HYAL1: variants seen among roughly 807,000 people sequenced by gnomAD.
The protein encoded by HYAL1 is hyaluronidase-1.
In HYAL1, 21 loss-of-function variants were observed where a neutral mutation model predicts 28.8. That is an observed-to-expected ratio of 0.73 (90% confidence interval 0.52 to 1.05). The LOEUF is 1.05. Ranked by LOEUF, HYAL1 falls within the 50% of genes least tolerant of loss-of-function variation. The pLI is 0.00. For missense variants in HYAL1, 491 were observed against 579.2 expected, an observed-to-expected ratio of 0.85 and a Z score of 1.56; for synonymous variants, 200 against 230.1, an observed-to-expected ratio of 0.87 and a Z score of 1.18.
intron 1 of HYAL1, among the ~76,000 whole-genome samples, chr3:50,311,252 G>A (rs1264910818): frequency 6.5e-3 from 6 of 926 alleles, no homozygotes; most frequent in South Asian, 0.045. Flanking sequence ...ACTCCCTCCC[G>A]GCCGGGGCGG....
chr3:50,306,864 G>A (rs1312201069), upstream of HYAL1, among the ~76,000 whole-genome samples: 1 of 150,252 alleles, frequency 6.7e-6, no homozygotes, highest in African/African-American at 2.5e-5. Flanking sequence ...TCCAGCCTCA[G>A]TGACAGAGCA....
In HYAL1 at chr3:50,302,888, C is replaced by T. The variant is rs1553713459; in HGVS notation, c.69G>A (p.Arg23=). The T allele has an allele frequency of 2.5e-6, 4 of 1,611,992 alleles. No individual in the cohort carries two copies. In the African/African-American group the frequency reaches 4.0e-5, roughly 16 times the overall value. Residue 23 remains arginine (R), a synonymous_variant, in exon 2 of 4, where the codon AGG becomes AGA. Transcript: ENST00000395144. The surrounding 1 kb of genome is among the most constrained non-coding windows in gnomAD (Gnocchi z 5.0). ...LTLLDMAQGF[R]GPLLPNRPFT... Reference sequence around the variant, plus strand: ...AGGGCCGGTTGGGTAGCAAGGGGCCCCTAAAGCCTTGGGCCATATCGAGTA... The same window carrying T: ...AGGGCCGGTTGGGTAGCAAGGGGCCTCTAAAGCCTTGGGCCATATCGAGTA...
rs1427790664 is a variant in HYAL1, at chr3:50,301,910, C to T, written c.900+147G>A. On this transcript the variant is annotated intron_variant, in intron 2 of 3. Transcript: ENST00000395144. The stretch of plus-strand genomic sequence containing the variant: ...AGCTTGCAGTGAGCCAAGATCGTGC[C>T]ACTGCACTCCAGCCTGGGTGACAGA... The T allele has an allele frequency of 8.4e-6, 7 of 834,920 alleles. No homozygotes were observed. In the East Asian group the frequency reaches 1.8e-4, roughly 22 times the overall value. 51.7% of individuals were successfully genotyped at this position (834,920 alleles called of 1,614,324 possible).
upstream of HYAL1, among the ~76,000 whole-genome samples, chr3:50,304,287 AAAAAAAAAAATATATATATATATATATAT>A (rs1203514703): frequency 3.2e-5 from 2 of 62,830 alleles, no homozygotes; most frequent in East Asian, 1.1e-3. Flanking sequence ...AAAAAAAAAA[AAAAAAAAAAATATATATATATATATATAT>A]ATATATATAT....
At position 50,300,632 on chromosome 3, in the gene HYAL1, A is replaced by C. The variant is rs782404568; in HGVS notation, c.1159T>G (p.Phe387Val). 4 of 1,614,138 alleles carry C rather than the reference A, an allele frequency of 2.5e-6. No homozygotes were observed. The highest frequency in any genetic ancestry group is 1.7e-5 in the Admixed American group (1 of 60,018). Residue 387 changes from phenylalanine (F) to valine (V), a missense_variant, in exon 4 of 4, where the codon TTC becomes GTC. Coordinates refer to ENST00000395144, the MANE Select transcript of HYAL1 (RefSeq NM_033159.4). Reference sequence around the variant, plus strand: ...CCACCAGGCGTGAGCTGGATGGAGAAACTGGCAGGGTTAAGGAGGAGGAGG... The same window carrying C: ...CCACCAGGCGTGAGCTGGATGGAGACACTGGCAGGGTTAAGGAGGAGGAGG... ...KALLLLNPAS[F>V]SIQLTPGGGP...
chr3:50,301,052 TC>T lies in HYAL1; in HGVS notation c.925del (p.Glu309ArgfsTer14). ...TCCAGCTGCCCCCTGGGCCGCACTC[TC>T]CCCCAGGCTGTGCTCCAGCTCATCC... The part of the protein sequence containing the change: ...PLDELEHSLG[E>X]SAAQGAAGVV... On this transcript the variant is annotated frameshift_variant, in exon 3 of 4. Transcript: ENST00000395144. LOFTEE classifies it high-confidence loss of function. The T allele has an allele frequency of 6.2e-7, 1 of 1,605,094 alleles. No individual in the cohort carries two copies. Among genetic ancestry groups the T allele is most frequent in the Non-Finnish European group, 8.5e-7 (1 of 1,175,546 alleles).
chr3:50,304,769 T>TC (rs1359351627), upstream of HYAL1, among the ~76,000 whole-genome samples: 3 of 152,046 alleles, frequency 2.0e-5, no homozygotes, highest in African/African-American at 7.2e-5. Context: ...AGTGACTGTG[T>TC]CTTTGTGAAG....
intron 1 of HYAL1, among the ~76,000 whole-genome samples, chr3:50,311,625 C>G (rs1256401516): frequency 1.6e-5 from 2 of 125,906 alleles, no homozygotes; most frequent in Non-Finnish European, 3.3e-5. Context: ...GGGGGGCTGA[C>G]CCCCCCACCT....
chr3:50,311,575 ACCC>A (rs1419720393), intron 1 of HYAL1, among the ~76,000 whole-genome samples: 2 of 103,678 alleles, frequency 1.9e-5, no homozygotes, highest in South Asian at 7.2e-4. Flanking sequence ...CGGGGGGCTG[ACCC>A]CCCCACCTCC....
intron 2 of HYAL1, among the ~76,000 whole-genome samples, chr3:50,301,835 C>T (rs1702172870): frequency 6.6e-6 from 1 of 151,598 alleles, no homozygotes; most frequent in Non-Finnish European, 1.5e-5. Context: ...CGCCTGTATC[C>T]CAGCTACTCG....
rs782055404 is a variant in HYAL1 at position 50,300,653 on chromosome 3, G to A, written c.1138C>T (p.Leu380Phe). Residue 380 changes from leucine to phenylalanine, a missense_variant, in exon 4 of 4, where the codon CTC (leucine) becomes TTC (phenylalanine). Leu to Phe is a conservative substitution (Grantham distance 22, BLOSUM62 0). Coordinates refer to ENST00000395144, the MANE Select transcript of HYAL1 (RefSeq NM_033159.4). ...GAGAAACTGGCAGGGTTAAGGAGGA[G>A]GAGGGCTTTGGGGTGGCTGGTGCGG... The part of the protein sequence containing the change: ...VRRTSHPKAL[L>F]LLNPASFSIQ... The A allele has an allele frequency of 6.2e-7, 1 of 1,614,060 alleles. No individual in the cohort carries two copies. The highest frequency in any genetic ancestry group is 8.5e-7 in the Non-Finnish European group (1 of 1,179,968).
chr3:50,300,564 C>T lies in HYAL1; in HGVS notation c.1227G>A (p.Gln409=). ...ATTTGAACTCCACAGCCATCTGTGC[C>T]TGATCTTCAAGTGAGAGGGCACCCC... ...SLRGALSLED[Q]AQMAVEFKCR... The change falls in exon 4 of 4, where the codon CAG becomes CAA. Residue 409 remains glutamine (Q), a synonymous_variant. Transcript: ENST00000395144. 2.5e-6 allele frequency: 4 copies of T among 1,614,272 alleles called. No homozygotes were observed. The South Asian group carries it at 4.4e-5, about 18-fold the overall frequency.
chr3:50,311,843 G>A (rs1553714889), intron 1 of HYAL1, among the ~76,000 whole-genome samples: 5 of 147,198 alleles, frequency 3.4e-5, no homozygotes, highest in Admixed American at 6.7e-5. Context: ...GCCAGGCGGG[G>A]GGCTGACCCC....
At chr3:50,305,824 A>G (rs1702326216), upstream of HYAL1, among the ~76,000 whole-genome samples, 1 of 151,254 alleles carries the variant, frequency 6.6e-6, no homozygotes, top group South Asian at 2.1e-4. Context: ...TTGAGCCACC[A>G]CGCTTGGCTA....
At chr3:50,311,223 C>CG (rs1352829618) in intron 1 of HYAL1, among the ~76,000 whole-genome samples, 5 of 127,930 alleles carry the variant, frequency 3.9e-5, no homozygotes, top group Admixed American at 7.6e-5. Context: ...GCTGGCCGGG[C>CG]GGGGGGCTGA....
At chr3:50,303,169 C>A in intron 1 of HYAL1, 189 bp from the exon 2 acceptor site, 1 of 527,026 alleles carries the variant, frequency 1.9e-6, no homozygotes, top group Non-Finnish European at 3.3e-6. Context: ...AGGGCACATC[C>A]GAGTTGCCTC....
At chr3:50,303,716 TTGGGGG>T (rs1480333968), upstream of HYAL1, 1 of 152,134 alleles carries the variant, frequency 6.6e-6, no homozygotes, top group Non-Finnish European at 1.5e-5. Flanking sequence ...GGGATCTTGG[TTGGGGG>T]TGGGGCTGGG....
chr3:50,309,591 G>C (rs1198867334), intron 2 of HYAL1: 7 of 151,358 alleles, frequency 4.6e-5, no homozygotes, highest in African/African-American at 1.7e-4. Context: ...AACTTATGGA[G>C]CCAATAAAGC....
In HYAL1 at chr3:50,301,060, G is replaced by C; in HGVS notation, c.918C>G (p.Ser306Arg). 1.9e-6 allele frequency: 3 copies of C among 1,610,068 alleles called. No homozygotes were observed. In the South Asian group the frequency reaches 3.3e-5, roughly 18 times the overall value. Residue 306 changes from serine (S) to arginine (R), a missense_variant, in exon 3 of 4, where the codon AGC (serine) becomes AGG (arginine). Transcript: ENST00000395144. ...HFLPLDELEH[S>R]LGESAAQGAA... ...CCCCCTGGGCCGCACTCTCCCCCAGGCTGTGCTCCAGCTCATCCTGGGAAG... is the reference window on the plus strand; with the variant it reads ...CCCCCTGGGCCGCACTCTCCCCCAGCCTGTGCTCCAGCTCATCCTGGGAAG...
Sources: gnomAD v4.1 joint callset for allele counts (sites outside exome capture counted in the v4.1 genomes callset) on GRCh38, gnomAD v4.1.1 for gene constraint, Gnocchi (gnomAD v3.1) non-coding constraint, MANE v1.5 for transcripts, NCBI Gene and HGNC (gene_info 2026-07-23, HGNC 2026-07-21) for gene names.